The following MECOM variants were observed in gnomAD, a reference collection of about 807,000 sequenced individuals.
MECOM encodes MDS1 and EVI1 complex locus, also known as histone-lysine N-methyltransferase MECOM.
MECOM carries 13 observed loss-of-function variants against 116.3 expected under a neutral mutation model. The ratio of observed to expected loss-of-function variants is 0.11; its 90% confidence interval spans 0.07 to 0.18. The LOEUF (loss-of-function observed/expected upper bound fraction) is 0.18. Among genes scored for constraint, MECOM ranks in the 10% least tolerant of loss-of-function variants. The pLI is 1.00. For missense variants in MECOM, 1,299 were observed against 1,509.0 expected (o/e 0.86, Z 2.31); for synonymous variants, 528 against 535.2 (o/e 0.99, Z 0.19).
chr3:169,571,487 A>C (rs1576934252), intron 1 of MECOM, among the ~76,000 whole-genome samples: 1 of 152,188 alleles, frequency 6.6e-6, no homozygotes, highest in African/African-American at 2.4e-5. Context: ...ATAAGAAAAA[A>C]CTACTTTAAA....
At chr3:169,342,128 CTA>C (rs1314761458) in intron 2 of MECOM, among the ~76,000 whole-genome samples, 1 of 152,024 alleles carries the variant, frequency 6.6e-6, no homozygotes, top group African/African-American at 2.4e-5. Context: ...AGTTATAAGA[CTA>C]TTTAAAAATC....
chr3:169,610,798 A>G (rs771447693), intron 1 of MECOM, among the ~76,000 whole-genome samples: 1 of 152,314 alleles, frequency 6.6e-6, no homozygotes, highest in Middle Eastern at 3.4e-3. Flanking sequence ...TATAAGCTCT[A>G]TGAGAGCAGG....
chr3:169,472,429 G>A (rs1415521157), intron 1 of MECOM, among the ~76,000 whole-genome samples: 1 of 137,192 alleles, frequency 7.3e-6, no homozygotes, highest in Non-Finnish European at 1.5e-5. Context: ...GGAAAGGAAA[G>A]GAAAGGAGAG....
chr3:169,387,014 A>C (rs562534337), intron 1 of MECOM, among the ~76,000 whole-genome samples: 2 of 152,332 alleles, frequency 1.3e-5, no homozygotes, highest in Admixed American at 6.5e-5. Flanking sequence ...ATTAATGATA[A>C]ATAAATTAGC....
At chr3:169,282,935 C>G (rs560793062) in intron 2 of MECOM, among the ~76,000 whole-genome samples, 1 of 151,922 alleles carries the variant, frequency 6.6e-6, no homozygotes, top group East Asian at 1.9e-4. Context: ...ATATGGCCAC[C>G]CACTTGAGAG....
rs551065388 is a variant in MECOM at position 169,314,844 on chromosome 3, T to C, written c.375+66343A>G. Reference sequence around the variant, plus strand: ...AAGTGCTAAGGGAAGTTTAGAAATTTCTATGAGGAAGCTGGAGGATTCTGG... The same window carrying C: ...AAGTGCTAAGGGAAGTTTAGAAATTCCTATGAGGAAGCTGGAGGATTCTGG... On this transcript the variant is annotated intron_variant, in intron 2 of 16. Transcript: ENST00000651503. Among the ~76,000 whole-genome samples, 7 of 152,320 alleles carry C rather than the reference T, an allele frequency of 4.6e-5. 1 individual carries two copies. In the East Asian group the frequency reaches 1.3e-3, roughly 29 times the overall value.
intron 2 of MECOM, among the ~76,000 whole-genome samples, chr3:169,371,539 A>T (rs1377440442): frequency 3.5e-5 from 5 of 143,584 alleles, no homozygotes; most frequent in Non-Finnish European, 6.1e-5. Flanking sequence ...ACACACTCAC[A>T]CACACATAAC....
intron 1 of MECOM, chr3:169,472,885 G>A (rs1360752621): frequency 2.8e-6 from 2 of 710,596 alleles, no homozygotes; most frequent in African/African-American, 3.9e-5. Context: ...GCTTACTATT[G>A]TGGTAAGACA....
rs547909572 is a variant in MECOM, at chr3:169,263,677, A to C, written c.375+117510T>G. Among the ~76,000 whole-genome samples the C allele has an allele frequency of 1.3e-3, 193 of 151,894 alleles. 1 individual carries two copies. The highest frequency in any genetic ancestry group is 4.3e-3 in the African/African-American group (180 of 41,536). On this transcript the variant is annotated intron_variant, in intron 2 of 16. Coordinates refer to ENST00000651503, the MANE Select transcript of MECOM (RefSeq NM_004991.4). ...ATTTTGAGTTCATTGTCTTAAAGTA[A>C]ATAGGAATTAGACTATCAGAGGTTA...
At chr3:169,644,086 T>C (rs1384154438) in intron 1 of MECOM, among the ~76,000 whole-genome samples, 1 of 152,214 alleles carries the variant, frequency 6.6e-6, no homozygotes, top group African/African-American at 2.4e-5. Flanking sequence ...GTTTATCATA[T>C]AGTATGCTAC....
chr3:169,583,767 A>ATTT (rs575566457), intron 1 of MECOM, among the ~76,000 whole-genome samples: 1 of 137,348 alleles, frequency 7.3e-6, no homozygotes. Context: ...CGTCTGGCTA[A>ATTT]TTTTTTTTTT....
At chr3:169,213,078 A>AT (rs978207841) in intron 2 of MECOM, among the ~76,000 whole-genome samples, 5 of 114,014 alleles carry the variant, frequency 4.4e-5, no homozygotes, top group Admixed American at 1.7e-4. Flanking sequence ...TTTCTTTTTT[A>AT]TTTTTTTTAA....
chr3:169,281,619 T>C (rs554159411), intron 2 of MECOM, among the ~76,000 whole-genome samples: 1 of 152,264 alleles, frequency 6.6e-6, no homozygotes, highest in East Asian at 1.9e-4. Context: ...AAAGCCAACC[T>C]GGGCAACATG....
At chr3:169,123,849 A>C (rs1426649275) in intron 5 of MECOM, among the ~76,000 whole-genome samples, 1 of 152,096 alleles carries the variant, frequency 6.6e-6, no homozygotes, top group African/African-American at 2.4e-5. Flanking sequence ...CAACTCTTTT[A>C]TCAATAAAGA....
intron 1 of MECOM, among the ~76,000 whole-genome samples, chr3:169,604,586 G>A (rs1768269955): frequency 6.6e-6 from 1 of 152,200 alleles, no homozygotes; most frequent in South Asian, 2.1e-4. Context: ...GACAGCTGAA[G>A]ACACAGGGAG....
intron 2 of MECOM, among the ~76,000 whole-genome samples, chr3:169,228,857 C>T (rs116227135): frequency 2.0e-3 from 312 of 152,232 alleles, no homozygotes; most frequent in African/African-American, 7.4e-3. Context: ...GCTTTTTATG[C>T]TTTTAACTCA....
chr3:169,584,586 A>G (rs1254467970), intron 1 of MECOM, among the ~76,000 whole-genome samples: 1 of 150,912 alleles, frequency 6.6e-6, no homozygotes, highest in Non-Finnish European at 1.5e-5. Context: ...AAAAAAAATT[A>G]CAGAAGAAAA....
intron 2 of MECOM, among the ~76,000 whole-genome samples, chr3:169,151,299 A>T (rs1043419667): frequency 3.3e-5 from 5 of 152,338 alleles, no homozygotes; most frequent in Admixed American, 2.6e-4. Context: ...GACAATATTT[A>T]AAAACAAGAC....
chr3:169,443,850 G>T (rs1353936638), intron 1 of MECOM, among the ~76,000 whole-genome samples: 2 of 152,180 alleles, frequency 1.3e-5, no homozygotes, highest in Non-Finnish European at 2.9e-5. Context: ...AACTGCTTCA[G>T]TTCTCTCTGA....
Sources: gnomAD v4.1 joint callset for allele counts (sites outside exome capture counted in the v4.1 genomes callset) on GRCh38, gnomAD v4.1.1 for gene constraint, MANE v1.5 for transcripts, NCBI Gene and HGNC (gene_info 2026-07-23, HGNC 2026-07-21) for gene names.